The following DNAJB11 variants were observed in gnomAD, a reference collection of about 807,000 sequenced individuals.
DNAJB11 encodes the protein dnaJ homolog subfamily B member 11.
Under a neutral mutation model 47.2 loss-of-function variants are expected in DNAJB11, and 30 were observed. The ratio of observed to expected loss-of-function variants is 0.64; its 90% confidence interval spans 0.48 to 0.86. DNAJB11 has a LOEUF of 0.86. Among genes scored for constraint, DNAJB11 ranks in the 40% least tolerant of loss-of-function variants. The pLI, the probability that DNAJB11 is intolerant of heterozygous loss-of-function variation, is 0.00. For missense variants in DNAJB11, 357 were observed against 440.2 expected (o/e 0.81, Z 1.69); for synonymous variants, 151 against 159.9 (o/e 0.94, Z 0.42).
intron 1 of DNAJB11, 49 bp from the exon 2 acceptor site, chr3:186,572,046 A>T: frequency 5.5e-6 from 8 of 1,452,198 alleles, no homozygotes; most frequent in Non-Finnish European, 6.5e-6. Context: ...ACTTTGAAAA[A>T]TGTAACATGT....
At chr3:186,571,957 G>A (rs1715075094) in intron 1 of DNAJB11, 138 bp from the exon 2 acceptor site, 3 of 589,020 alleles carry the variant, frequency 5.1e-6, no homozygotes, top group East Asian at 6.0e-5. Flanking sequence ...CTTTGTGTGT[G>A]TATGTGTCAC....
Position 186,582,727 on chromosome 3 carries a change from G to A in DNAJB11, c.694G>A (p.Val232Met), listed in dbSNP as rs550688724. 23 of 1,591,878 alleles carry A rather than the reference G, an allele frequency of 1.4e-5. No individual in the cohort carries two copies. Among genetic ancestry groups the A allele is most frequent in the South Asian group, 5.7e-5 (5 of 87,506 alleles). Residue 232 changes from valine (V) to methionine (M), a missense_variant, in exon 7 of 10, where the codon GTG becomes ATG. Val to Met is a conservative substitution (Grantham distance 21). Transcript: ENST00000265028. ...TCTGCTCTGACTAGGTGAGCCTCAC[G>A]TGGATGGGGAGCCTGGAGATTTACG... Reference protein sequence around the residue: ...YPFIGEGEPHVDGEPGDLRFR... With the variant: ...YPFIGEGEPHMDGEPGDLRFR...
chr3:186,575,362 CGCGCGCGTGT>C (rs1244061950), intron 2 of DNAJB11, among the ~76,000 whole-genome samples: 46 of 110,218 alleles, frequency 4.2e-4, no homozygotes, highest in Non-Finnish European at 8.6e-4. Flanking sequence ...CATGCGCGCG[CGCGCGCGTGT>C]GTGTGTGTGT....
At chr3:186,581,617 C>A in intron 5 of DNAJB11, 104 bp downstream of exon 5, 1 of 1,308,920 alleles carries the variant, frequency 7.6e-7, no homozygotes, top group Non-Finnish European at 1.0e-6. Context: ...GTCCCCTCCC[C>A]ACTGCCATGT....
At chr3:186,583,320 GC>G (rs1449225710) in intron 7 of DNAJB11, among the ~76,000 whole-genome samples, 3 of 152,154 alleles carry the variant, frequency 2.0e-5, no homozygotes, top group South Asian at 2.1e-4. Context: ...TGGAGAAATG[GC>G]CCCCCACTGT....
intron 4 of DNAJB11, chr3:186,579,296 T>C (rs925885515): frequency 1.3e-5 from 2 of 152,234 alleles, no homozygotes; most frequent in African/African-American, 4.8e-5. Context: ...TATCCTTCAC[T>C]GCTTCCTTCT....
At chr3:186,584,615 G>GTGTGTGTGTGTGTGTGTGTGTGTA in intron 9 of DNAJB11, 26 bp downstream of exon 9, 1 of 1,513,056 alleles carries the variant, frequency 6.6e-7, no homozygotes, top group Non-Finnish European at 8.8e-7. Flanking sequence ...GTGTGTGTGT[G>GTGTGTGTGTGTGTGTGTGTGTGTA]TGTGTGTTTG....
At chr3:186,576,633 C>A (rs1306224906) in intron 3 of DNAJB11, among the ~76,000 whole-genome samples, 2 of 149,670 alleles carry the variant, frequency 1.3e-5, no homozygotes, top group African/African-American at 5.0e-5. Context: ...AACCCTTCCC[C>A]AAAAGAAGTA....
intron 1 of DNAJB11, 50 bp downstream of exon 1, chr3:186,571,015 T>TG (rs751630079): frequency 7.2e-4 from 104 of 145,110 alleles, no homozygotes; most frequent in African/African-American, 5.7e-3. Context: ...CAGCCTTTGC[T>TG]GGGGGGTGGG....
At chr3:186,583,787 C>G (rs1364989046) in intron 7 of DNAJB11, 78 bp from the exon 8 acceptor site, 6 of 1,045,770 alleles carry the variant, frequency 5.7e-6, no homozygotes. Context: ...GTGGTGTTCA[C>G]CTTTTTCCAA....
chr3:186,574,969 GAA>G (rs199640105), intron 2 of DNAJB11, among the ~76,000 whole-genome samples: 1,964 of 140,042 alleles, frequency 0.014, 33 homozygotes, highest in African/African-American at 0.054. Context: ...AAATAAAAGA[GAA>G]AGTTTTTTTT....
At chr3:186,583,192 C>G (rs1715545851) in intron 7 of DNAJB11, among the ~76,000 whole-genome samples, 1 of 152,250 alleles carries the variant, frequency 6.6e-6, no homozygotes, top group South Asian at 2.1e-4. Context: ...GCTGCTTAGA[C>G]AGTTTTGCCT....
chr3:186,585,521 AT>A lies in DNAJB11; in HGVS notation c.*120del, dbSNP rs879531661. The stretch of plus-strand genomic sequence containing the variant: ...ATTTTCAATATGCAAGTTAGGCTTA[AT>A]TTTTTTATCTAATGATCATCATGAA... On this transcript the variant is annotated 3_prime_UTR_variant, in exon 10 of 10. Transcript: ENST00000265028. 4 of 660,644 alleles carry A rather than the reference AT, an allele frequency of 6.1e-6. No homozygotes were observed. Among genetic ancestry groups the A allele is most frequent in the African/African-American group, 3.8e-5 (2 of 52,852 alleles). The allele number at this position is 660,644 out of a possible 1,614,324, so 40.9% of individuals were successfully genotyped here.
intron 1 of DNAJB11, 64 bp downstream of exon 1, chr3:186,571,029 G>T: frequency 1.8e-6 from 2 of 1,087,470 alleles, no homozygotes; most frequent in South Asian, 1.5e-5. Context: ...GGGTGGGAGG[G>T]GGTGGGGGAA....
intron 7 of DNAJB11, among the ~76,000 whole-genome samples, chr3:186,583,031 A>G (rs1715540122): frequency 6.6e-6 from 1 of 152,264 alleles, no homozygotes; most frequent in Admixed American, 6.5e-5. Context: ...AAGAGAAACA[A>G]ACAAGATAGG....
Position 186,570,869 on chromosome 3 carries a change from T to C in DNAJB11, c.-29T>C. ...GCGGCGGAGGAGGCTGTGAGGAGTGTGTGGAACAGGACCCGGGACAGAGGA... is the reference window on the plus strand; with the variant it reads ...GCGGCGGAGGAGGCTGTGAGGAGTGCGTGGAACAGGACCCGGGACAGAGGA... On this transcript the variant is annotated 5_prime_UTR_variant, in exon 1 of 10. Coordinates refer to ENST00000265028, the MANE Select transcript of DNAJB11 (RefSeq NM_016306.6). 1 of 1,593,644 alleles carries C rather than the reference T, an allele frequency of 6.3e-7. No individual in the cohort carries two copies. Among genetic ancestry groups the C allele is most frequent in the Non-Finnish European group, 8.5e-7 (1 of 1,169,834 alleles).
chr3:186,577,056 T>G (rs1004829783), intron 3 of DNAJB11, among the ~76,000 whole-genome samples: 1 of 152,204 alleles, frequency 6.6e-6, no homozygotes, highest in African/African-American at 2.4e-5. Flanking sequence ...TTACAAAAAT[T>G]AGTTTGGGTC....
Position 186,575,933 on chromosome 3 carries a change from T to C in DNAJB11, c.319T>C (p.Ser107Pro). ...GHQSSHGDIF[S>P]HFFGDFGFMF... ...TCAGAGCTCCCATGGAGACATTTTT[T>C]CACAGTGAGTAATTTACCCATCTGC... Residue 107 changes from serine (S) to proline (P), a missense_variant, in exon 3 of 10, where the codon TCA (serine) becomes CCA (proline). By Grantham distance (74) the Ser-to-Pro change is moderately conservative. Transcript: ENST00000265028. 6.2e-7 allele frequency: 1 copy of C among 1,609,284 alleles called. No homozygotes were observed. Among genetic ancestry groups the C allele is most frequent in the Non-Finnish European group, 8.5e-7 (1 of 1,175,740 alleles).
chr3:186,575,381 GTGTGTGTGTGTC>G (rs1715251155), intron 2 of DNAJB11, among the ~76,000 whole-genome samples: 5 of 152,090 alleles, frequency 3.3e-5, no homozygotes, highest in African/African-American at 1.2e-4. Flanking sequence ...GTGTGTGTGT[GTGTGTGTGTGTC>G]TGTGTGTGTG....
Sources: allele counts gnomAD v4.1 joint callset (sites outside exome capture counted in the v4.1 genomes callset), GRCh38; gene constraint gnomAD v4.1.1; transcripts MANE v1.5; gene names NCBI Gene and HGNC (gene_info 2026-07-23, HGNC 2026-07-21).